NOD1: variants seen among roughly 807,000 people sequenced by gnomAD.
NOD1 encodes nucleotide binding oligomerization domain containing 1.
A neutral mutation model predicts 81.2 loss-of-function variants in NOD1; 70 were observed. That is an observed-to-expected ratio of 0.86 (90% CI 0.71 to 1.05). The LOEUF is 1.05. Among genes scored for constraint, NOD1 ranks in the 50% least tolerant of loss-of-function variants. The pLI, the probability that NOD1 is intolerant of heterozygous loss-of-function variation, is 0.00. For missense variants in NOD1, 1,233 were observed against 1,228.0 expected (o/e 1.00, Z -0.06); for synonymous variants, 508 against 526.9 (o/e 0.96, Z 0.49).
intron 4 of NOD1, among the ~76,000 whole-genome samples, chr7:30,456,015 C>A (rs889870380): frequency 2.0e-5 from 3 of 152,126 alleles, no homozygotes; most frequent in Non-Finnish European, 2.9e-5. Context: ...AGTAGGAGGG[C>A]GATAGGCCAT....
Position 30,452,126 on chromosome 7 carries a change from C to T in NOD1, c.1291G>A (p.Val431Ile), listed in dbSNP as rs765171932. 11 of 1,613,832 alleles carry T rather than the reference C, an allele frequency of 6.8e-6. 1 individual carries two copies. The South Asian group carries it at 1.2e-4, about 18-fold the overall frequency. Residue 431 changes from valine (V) to isoleucine (I), a missense_variant, in exon 6 of 14, where the codon GTC becomes ATC. By Grantham distance (29) the Val-to-Ile change is conservative. Transcript: ENST00000222823. ...CTGGGCTGCATCCTGTTCAGATGGA[C>T]CTCAGTGACCAGGAGGAAGACATCT... is the stretch of plus-strand genomic sequence containing the variant. ...LTDVFLLVTEVHLNRMQPSSL... is the reference protein window; with the variant it reads ...LTDVFLLVTEIHLNRMQPSSL...
rs761917727 is a variant in NOD1, at chr7:30,456,930, T to C, written c.-9A>G. The C allele has an allele frequency of 1.9e-6, 3 of 1,613,220 alleles. No homozygotes were observed. The South Asian group carries it at 3.3e-5, about 18-fold the overall frequency. The stretch of plus-strand genomic sequence containing the variant: ...TGGCCCTGCTCTTCCATAGTTAAAG[T>C]AGCAAGCGGCTACTTTTCCCAAATT... On this transcript the variant is annotated 5_prime_UTR_variant, in exon 4 of 14. Transcript: ENST00000222823.
chr7:30,455,060 G>A lies in NOD1; in HGVS notation c.376+77C>T, dbSNP rs185087463. 4 of 1,433,466 alleles carry A rather than the reference G, an allele frequency of 2.8e-6. No homozygotes were observed. The South Asian group carries it at 3.6e-5, about 13-fold the overall frequency. 88.8% of individuals were successfully genotyped at this position (1,433,466 alleles called of 1,614,324 possible). On this transcript the variant is annotated intron_variant, in intron 5 of 13. Coordinates refer to ENST00000222823, the MANE Select transcript of NOD1 (RefSeq NM_006092.4). Reference sequence around the variant, plus strand: ...CCTGCTTCCTGAGGTGGCACTCAGGGCTGGCCCAGCCATTACCAAACCCCC... The same window carrying A: ...CCTGCTTCCTGAGGTGGCACTCAGGACTGGCCCAGCCATTACCAAACCCCC...
intron 9 of NOD1, among the ~76,000 whole-genome samples, chr7:30,445,756 CAAAAAAAAAAAAAAAA>C (rs35669955): frequency 2.8e-5 from 1 of 36,072 alleles, no homozygotes; most frequent in Non-Finnish European, 5.2e-5. Flanking sequence ...GAGACTCTGT[CAAAAAAAAAAAAAAAA>C]AAAAAAAAAA....
chr7:30,464,544 C>T (rs736781), intron 1 of NOD1, among the ~76,000 whole-genome samples: 33,131 of 152,148 alleles, frequency 0.22, 3,843 homozygotes, highest in East Asian at 0.36. Flanking sequence ...TGGTGAGAGG[C>T]AGGACAACAT....
At chr7:30,446,778 A>G (rs545428075) in intron 8 of NOD1, 189 bp downstream of exon 8, 2 of 563,158 alleles carry the variant, frequency 3.6e-6, no homozygotes, top group Admixed American at 3.4e-5. Context: ...CCCCCTACCA[A>G]TAACGGGAGG....
intron 11 of NOD1, among the ~76,000 whole-genome samples, chr7:30,434,433 G>A (rs1483463319): frequency 2.0e-5 from 3 of 151,358 alleles, no homozygotes; most frequent in African/African-American, 7.4e-5. Context: ...CGTCTATGAT[G>A]CACAGGACAG....
intron 1 of NOD1, among the ~76,000 whole-genome samples, chr7:30,473,104 A>C (rs1788433029): frequency 6.6e-6 from 1 of 152,228 alleles, no homozygotes; most frequent in Non-Finnish European, 1.5e-5. Flanking sequence ...CACTTCACAC[A>C]CACAGAAAGC....
intron 13 of NOD1, among the ~76,000 whole-genome samples, chr7:30,426,606 C>G (rs1076591): frequency 0.14 from 21,396 of 151,848 alleles, 3,616 homozygotes; most frequent in African/African-American, 0.41. Context: ...TGATCACATG[C>G]CTCTCCTGCT....
intron 3 of NOD1, among the ~76,000 whole-genome samples, chr7:30,458,280 TG>T (rs1786609414): frequency 6.6e-6 from 1 of 152,106 alleles, no homozygotes. Flanking sequence ...AATACTTGCG[TG>T]TGTAAAATGA....
intron 1 of NOD1, among the ~76,000 whole-genome samples, chr7:30,473,419 C>G (rs1788472353): frequency 6.6e-6 from 1 of 152,182 alleles, no homozygotes; most frequent in South Asian, 2.1e-4. Context: ...CTTCCAAACA[C>G]CCCCCACATC....
Position 30,425,534 on chromosome 7 carries a change from C to A in NOD1, c.*104G>T, listed in dbSNP as rs1783369517. 1.1e-5 allele frequency: 9 copies of A among 839,212 alleles called. No homozygotes were observed. Among genetic ancestry groups the A allele is most frequent in the Non-Finnish European group, 1.5e-5 (7 of 482,500 alleles). The allele number at this position is 839,212 out of a possible 1,614,324, so 52.0% of individuals were successfully genotyped here. On this transcript the variant is annotated 3_prime_UTR_variant, in exon 14 of 14. Transcript: ENST00000222823. ...GGAGGCAGTGGACTCCTGATAGTCC[C>A]GCCTGCGCAGGCCCCTTTAAGACAC...
chr7:30,452,742 G>T lies in NOD1; in HGVS notation c.675C>A (p.Asp225Glu), dbSNP rs150842987. 6.2e-7 allele frequency: 1 copy of T among 1,613,682 alleles called. No individual in the cohort carries two copies. The highest frequency in any genetic ancestry group is 8.5e-7 in the Non-Finnish European group (1 of 1,179,700). ...AGTGGAAGAAGAATTTGACCCCTGC[G>T]TCTAGCCGGCCCGTGGCCCAGAGGC... ...LQSLWATGRL[D>E]AGVKFFFHFR... The change falls in exon 6 of 14, where the codon GAC (aspartate) becomes GAA (glutamate). Residue 225 changes from aspartate to glutamate, a missense_variant. Coordinates refer to ENST00000222823, the MANE Select transcript of NOD1 (RefSeq NM_006092.4).
chr7:30,433,459 G>C (rs958288077), intron 11 of NOD1: 1 of 389,314 alleles, frequency 2.6e-6, no homozygotes, highest in South Asian at 4.3e-5. Context: ...TGAGCCCTCA[G>C]ATTTCATGGA....
chr7:30,451,334 G>A lies in NOD1; in HGVS notation c.2083C>T (p.Leu695Phe). The change falls in exon 6 of 14, where the codon CTC becomes TTC. Residue 695 changes from leucine to phenylalanine, a missense_variant. Coordinates refer to ENST00000222823, the MANE Select transcript of NOD1 (RefSeq NM_006092.4). This position sits in a 1 kb window ranked among gnomAD's most constrained non-coding sequence, Gnocchi z 4.2. ...CNACSADCSA[L>F]SFVLHHFPKR... ...GGGAAGTGATGCAGGACGAAGGAGA[G>A]GGCGCTGCAGTCGGCCGAGCAGGCG... is the stretch of plus-strand genomic sequence containing the variant. 6.2e-7 allele frequency: 1 copy of A among 1,614,188 alleles called. No individual in the cohort carries two copies. The highest frequency in any genetic ancestry group is 8.5e-7 in the Non-Finnish European group (1 of 1,180,038).
At chr7:30,432,718 CA>C (rs1257959378) in intron 12 of NOD1, among the ~76,000 whole-genome samples, 3 of 152,092 alleles carry the variant, frequency 2.0e-5, no homozygotes, top group Non-Finnish European at 4.4e-5. Context: ...TAATAAACTG[CA>C]AAATTTCCTT....
intron 3 of NOD1, among the ~76,000 whole-genome samples, chr7:30,458,498 A>C (rs1241827636): frequency 6.6e-6 from 1 of 152,152 alleles, no homozygotes; most frequent in Non-Finnish European, 1.5e-5. Flanking sequence ...TTTTTTTTCC[A>C]CCAAGTGGCA....
At chr7:30,426,661 A>G (rs965490483) in intron 13 of NOD1, among the ~76,000 whole-genome samples, 3 of 152,082 alleles carry the variant, frequency 2.0e-5, no homozygotes, top group South Asian at 2.1e-4. Context: ...ATAAAGACCA[A>G]AATGCACATC....
intron 5 of NOD1, among the ~76,000 whole-genome samples, chr7:30,454,434 C>G (rs991568108): frequency 1.3e-5 from 2 of 152,184 alleles, no homozygotes; most frequent in East Asian, 1.9e-4. Context: ...GGGCAGGAAC[C>G]CTGTCTGTGT....
Sources: allele counts gnomAD v4.1 joint callset (sites outside exome capture counted in the v4.1 genomes callset), GRCh38; gene constraint gnomAD v4.1.1; non-coding constraint Gnocchi (gnomAD v3.1); transcripts MANE v1.5; gene names NCBI Gene and HGNC (gene_info 2026-07-23, HGNC 2026-07-21).